CFAP44: variants seen among roughly 807,000 people sequenced by gnomAD.
The protein encoded by CFAP44 is cilia- and flagella-associated protein 44.
A neutral mutation model predicts 216.2 loss-of-function variants in CFAP44; 134 were observed. The ratio of observed to expected loss-of-function variants is 0.62; its 90% CI spans 0.54 to 0.72. The LOEUF is 0.72. Among genes scored for constraint, CFAP44 ranks in the 30% least tolerant of loss-of-function variants. The probability of loss-of-function intolerance (pLI) is 0.00; values close to 1 mark genes in which losing one functional copy is unlikely to be tolerated. For synonymous variants in CFAP44, 700 were observed against 727.6 expected (o/e 0.96, Z 0.61); for missense variants, 2,035 against 2,182.1 (o/e 0.93, Z 1.34).
chr3:113,407,872 T>C (rs1283634236), intron 7 of CFAP44, among the ~76,000 whole-genome samples: 1 of 152,228 alleles, frequency 6.6e-6, no homozygotes, highest in Non-Finnish European at 1.5e-5. Flanking sequence ...CCTGATGATA[T>C]GCTTCCATAT....
At chr3:113,371,307 T>C (rs1933154624) in intron 18 of CFAP44, among the ~76,000 whole-genome samples, 2 of 152,176 alleles carry the variant, frequency 1.3e-5, no homozygotes, top group Admixed American at 1.3e-4. Flanking sequence ...GCTGGAGGCA[T>C]CACATTACCT....
intron 25 of CFAP44, among the ~76,000 whole-genome samples, chr3:113,331,777 T>C (rs1329842754): frequency 6.6e-6 from 1 of 152,088 alleles, no homozygotes; most frequent in Non-Finnish European, 1.5e-5. Flanking sequence ...CAAACCTAAA[T>C]ACTGGCTGAG....
At chr3:113,307,568 G>A (rs1274459029) in intron 29 of CFAP44, among the ~76,000 whole-genome samples, 1 of 152,150 alleles carries the variant, frequency 6.6e-6, no homozygotes, top group African/African-American at 2.4e-5. Context: ...TTCTCCACTA[G>A]ACTATAAGCT....
chr3:113,298,059 T>TGTGCTGGCCTGTGGCTGC (rs1949899039), intron 32 of CFAP44, among the ~76,000 whole-genome samples: 2 of 152,248 alleles, frequency 1.3e-5, no homozygotes, highest in Non-Finnish European at 1.5e-5. Context: ...TGTGCACGTG[T>TGTGCTGGCCTGTGGCTGC]GTGCTGGCCT....
chr3:113,296,237 T>A (rs1949879070), intron 33 of CFAP44, among the ~76,000 whole-genome samples: 1 of 152,238 alleles, frequency 6.6e-6, no homozygotes, highest in Non-Finnish European at 1.5e-5. Context: ...TCATTTTTTA[T>A]GGCTGCGTAG....
chr3:113,412,364 C>T (rs1049519424), intron 6 of CFAP44, among the ~76,000 whole-genome samples: 5 of 151,812 alleles, frequency 3.3e-5, no homozygotes, highest in Non-Finnish European at 5.9e-5. Context: ...GGGTCTGGAT[C>T]GGGACCCCTT....
chr3:113,407,855 T>C (rs887262271), intron 7 of CFAP44, among the ~76,000 whole-genome samples: 2 of 152,200 alleles, frequency 1.3e-5, no homozygotes, highest in Non-Finnish European at 2.9e-5. Context: ...AAAGGAATGG[T>C]AGGTCCCCTG....
intron 2 of CFAP44, among the ~76,000 whole-genome samples, chr3:113,430,742 A>G (rs1179900705): frequency 6.6e-6 from 1 of 152,204 alleles, no homozygotes; most frequent in Non-Finnish European, 1.5e-5. Flanking sequence ...CCAGGCCCAG[A>G]CAGCTTTACT....
intron 17 of CFAP44, among the ~76,000 whole-genome samples, chr3:113,376,766 T>C (rs1933356551): frequency 1.3e-5 from 2 of 152,202 alleles, no homozygotes. Flanking sequence ...AATAACTTTT[T>C]ATGTAACAGA....
At chr3:113,439,560 T>C (rs186476147) in intron 1 of CFAP44, among the ~76,000 whole-genome samples, 14 of 152,306 alleles carry the variant, frequency 9.2e-5, no homozygotes, top group African/African-American at 2.9e-4. Context: ...TAAATACACA[T>C]ATAGTTTACC....
At chr3:113,439,614 A>G (rs1306858125) in intron 1 of CFAP44, among the ~76,000 whole-genome samples, 1 of 152,246 alleles carries the variant, frequency 6.6e-6, no homozygotes, top group African/African-American at 2.4e-5. Context: ...CCGAATAAAC[A>G]TCATCTTCTT....
At chr3:113,356,533 C>T (rs1365261398) in intron 22 of CFAP44, among the ~76,000 whole-genome samples, 1 of 152,104 alleles carries the variant, frequency 6.6e-6, no homozygotes, top group Non-Finnish European at 1.5e-5. Flanking sequence ...AGTTCAGAAA[C>T]AGACCCACAC....
intron 23 of CFAP44, among the ~76,000 whole-genome samples, chr3:113,343,059 CTTTTTTTTT>C (rs397990837): frequency 2.8e-5 from 3 of 106,774 alleles, no homozygotes; most frequent in Admixed American, 1.0e-4. Flanking sequence ...TTCTTTCTTT[CTTTTTTTTT>C]TTTTTTTTTT....
chr3:113,326,369 A>G, intron 28 of CFAP44, 76 bp downstream of exon 28: 1 of 1,332,032 alleles, frequency 7.5e-7, no homozygotes, highest in Non-Finnish European at 9.8e-7. Flanking sequence ...TAAGGTATCT[A>G]ATAGGTCCCT....
chr3:113,378,087 G>A (rs1576579737), intron 17 of CFAP44, among the ~76,000 whole-genome samples: 1 of 152,096 alleles, frequency 6.6e-6, no homozygotes, highest in Non-Finnish European at 1.5e-5. Context: ...TATTACACAG[G>A]CTGGTCTCGA....
intron 11 of CFAP44, 41 bp from the exon 12 acceptor site, chr3:113,400,685 G>A (rs1232547832): frequency 2.6e-6 from 4 of 1,530,836 alleles, no homozygotes; most frequent in East Asian, 2.3e-5. Flanking sequence ...CAAAGACAGA[G>A]TAACAAAGAA....
intron 24 of CFAP44, among the ~76,000 whole-genome samples, chr3:113,340,054 G>C (rs1235123313): frequency 1.3e-5 from 2 of 152,178 alleles, no homozygotes; most frequent in Admixed American, 1.3e-4. Context: ...TGGGGTTGCG[G>C]CTACCATCAT....
intron 20 of CFAP44, 33 bp from the exon 21 acceptor site, chr3:113,363,340 G>A: frequency 6.3e-7 from 1 of 1,584,320 alleles, no homozygotes; most frequent in Non-Finnish European, 8.6e-7. Flanking sequence ...ATAACAGGTT[G>A]TGATACAGAA....
chr3:113,438,101 A>G (rs965730288), intron 1 of CFAP44, among the ~76,000 whole-genome samples: 3 of 152,244 alleles, frequency 2.0e-5, no homozygotes, highest in African/African-American at 4.8e-5. Flanking sequence ...CTTTCACACA[A>G]TCAGGCATAA....
Sources: allele counts gnomAD v4.1 joint callset (sites outside exome capture counted in the v4.1 genomes callset), GRCh38; gene constraint gnomAD v4.1.1; transcripts MANE v1.5; gene names NCBI Gene and HGNC (gene_info 2026-07-23, HGNC 2026-07-21).